GOLGA1: variants seen among roughly 807,000 people sequenced by gnomAD.
GOLGA1 encodes golgin subfamily A member 1.
Under a neutral mutation model 119.7 loss-of-function variants are expected in GOLGA1, and 63 were observed. The ratio of observed to expected loss-of-function variants is 0.53; its 90% confidence interval spans 0.43 to 0.65. GOLGA1 has a LOEUF of 0.65. Ranked by LOEUF, GOLGA1 falls within the 30% of genes least tolerant of loss-of-function variation. The pLI is 0.00. For synonymous variants in GOLGA1, 318 were observed against 333.4 expected (o/e 0.95, Z 0.50); for missense variants, 798 against 912.8 (o/e 0.87, Z 1.62).
In GOLGA1 at chr9:124,931,172, A is replaced by G; in HGVS notation, c.226+144T>C. On this transcript the variant is annotated intron_variant, in intron 4 of 22. Transcript: ENST00000373555. Reference sequence around the variant, plus strand: ...TACTATTTACTACACTAACAAAAGAAGAGGGTATACTTGCTCCTTTCTAAA... The same window carrying G: ...TACTATTTACTACACTAACAAAAGAGGAGGGTATACTTGCTCCTTTCTAAA... 5.5e-6 allele frequency: 3 copies of G among 549,334 alleles called. No homozygotes were observed. In the South Asian group the frequency reaches 6.9e-5, roughly 13 times the overall value. The allele number at this position is 549,334 out of a possible 1,614,324, so 34.0% of individuals were successfully genotyped here.
intron 10 of GOLGA1, among the ~76,000 whole-genome samples, chr9:124,920,615 C>T (rs1431005399): frequency 6.6e-6 from 1 of 152,002 alleles, no homozygotes; most frequent in Non-Finnish European, 1.5e-5. Flanking sequence ...ATTTTTCATG[C>T]TCAAGGTCCA....
intron 4 of GOLGA1, 54 bp from the exon 5 acceptor site, chr9:124,929,344 A>G: frequency 9.4e-7 from 1 of 1,066,342 alleles, no homozygotes; most frequent in South Asian, 1.3e-5. Context: ...TCAGGAAAGG[A>G]AGTTAATTAA....
intron 17 of GOLGA1, 55 bp downstream of exon 17, chr9:124,889,379 G>A: frequency 1.3e-6 from 2 of 1,592,440 alleles, no homozygotes; most frequent in Non-Finnish European, 1.7e-6. Flanking sequence ...CCGTCACAAG[G>A]CAGGATGCTG....
At chr9:124,914,495 G>A (rs1288966675) in intron 10 of GOLGA1, among the ~76,000 whole-genome samples, 5 of 151,476 alleles carry the variant, frequency 3.3e-5, no homozygotes, top group Admixed American at 3.3e-4. Flanking sequence ...GCGACACTCC[G>A]TCTCAAAGAA....
intron 1 of GOLGA1, among the ~76,000 whole-genome samples, chr9:124,940,482 T>G (rs1830985639): frequency 6.6e-6 from 1 of 152,218 alleles, no homozygotes; most frequent in African/African-American, 2.4e-5. Context: ...TATTTATTTC[T>G]CAGTTGATTA....
At chr9:124,925,316 C>T (rs1830652722) in intron 7 of GOLGA1, among the ~76,000 whole-genome samples, 1 of 149,384 alleles carries the variant, frequency 6.7e-6, no homozygotes, top group Middle Eastern at 3.4e-3. Flanking sequence ...CAACCCATAT[C>T]TCCATATTTA....
upstream of GOLGA1, among the ~76,000 whole-genome samples, chr9:124,942,180 T>G (rs2017506): frequency 0.66 from 100,570 of 152,040 alleles, 33,918 homozygotes; most frequent in African/African-American, 0.77. Flanking sequence ...TGAGGCAGGA[T>G]AATCGCTTGA....
intron 11 of GOLGA1, 51 bp from the exon 12 acceptor site, chr9:124,908,523 A>C: frequency 1.1e-6 from 1 of 938,042 alleles, no homozygotes. Flanking sequence ...CAGTTGAATA[A>C]ATATTTACAG....
Position 124,888,521 on chromosome 9 carries a change from G to T in GOLGA1, c.1762-125C>A. ...GGCGTTGTGCTCCAACAGGCAACTG[G>T]CCAGGAAGCAATTCCTGGAGAAGAT... On this transcript the variant is annotated intron_variant, in intron 18 of 22. Transcript: ENST00000373555. The surrounding 1 kb of genome is among the most constrained non-coding windows in gnomAD (Gnocchi z 4.4). 1 of 772,352 alleles carries T rather than the reference G, an allele frequency of 1.3e-6. No individual in the cohort carries two copies. Among genetic ancestry groups the T allele is most frequent in the Non-Finnish European group, 2.2e-6 (1 of 462,264 alleles). The allele number at this position is 772,352 out of a possible 1,614,324, so 47.8% of individuals were successfully genotyped here. A position where few individuals can be genotyped will look rare whatever the true frequency, so the allele number is the denominator to read the frequency against.
intron 11 of GOLGA1, among the ~76,000 whole-genome samples, chr9:124,909,975 C>T (rs2131446915): frequency 6.6e-6 from 1 of 152,090 alleles, no homozygotes; most frequent in East Asian, 1.9e-4. Flanking sequence ...CTCGCTCTGT[C>T]ACCAGGCAGG....
intron 10 of GOLGA1, among the ~76,000 whole-genome samples, chr9:124,917,536 A>T (rs1297644515): frequency 6.7e-6 from 1 of 148,812 alleles, no homozygotes; most frequent in African/African-American, 2.6e-5. Context: ...TTGTCTACCC[A>T]TTATTATCTT....
intron 15 of GOLGA1, among the ~76,000 whole-genome samples, chr9:124,894,380 TTGTG>T (rs35289660): frequency 0.019 from 2,858 of 147,564 alleles, 59 homozygotes; most frequent in African/African-American, 0.048. Context: ...ATTTAAAGTT[TTGTG>T]TGTGTGTGTG....
At position 124,879,231 on chromosome 9, in the gene GOLGA1, C is replaced by T. The variant is rs112032556; in HGVS notation, c.*1299G>A. ...GTTATTAATTTAGTTTTTTATTTAA[C>T]CAGTGAAACTTTCATCAAACAATAA... On this transcript the variant is annotated 3_prime_UTR_variant, in exon 23 of 23. Transcript: ENST00000373555. 60 of 152,280 alleles carry T rather than the reference C, an allele frequency of 3.9e-4. 1 individual carries two copies. Among genetic ancestry groups the T allele is most frequent in the African/African-American group, 1.4e-3 (57 of 41,556 alleles). The allele number at this position is 152,280 out of a possible 1,614,324, so 9.4% of individuals were successfully genotyped here. A position where few individuals can be genotyped will look rare whatever the true frequency, so the allele number is the denominator to read the frequency against.
chr9:124,913,950 G>C (rs565604225), intron 10 of GOLGA1, among the ~76,000 whole-genome samples: 4 of 152,326 alleles, frequency 2.6e-5, no homozygotes, highest in Non-Finnish European at 4.4e-5. Flanking sequence ...TGCAAGGCTA[G>C]AGGCTGGGTG....
intron 4 of GOLGA1, 82 bp from the exon 5 acceptor site, chr9:124,929,372 AATG>A: frequency 3.5e-6 from 3 of 853,356 alleles, no homozygotes; most frequent in East Asian, 4.9e-5. Context: ...AATGAATGGA[AATG>A]ATGATGATTT....
intron 11 of GOLGA1, among the ~76,000 whole-genome samples, chr9:124,910,561 T>C (rs948050976): frequency 2.6e-5 from 4 of 152,214 alleles, no homozygotes; most frequent in Non-Finnish European, 2.9e-5. Context: ...CTGAGTTTAA[T>C]AGTATAATAA....
rs1226190688 is a variant in GOLGA1, at chr9:124,923,986, C to T, written c.433-763G>A. 2.0e-5 allele frequency among the ~76,000 whole-genome samples: 3 copies of T among 152,048 alleles called. No individual in the cohort carries two copies. In the East Asian group the frequency reaches 5.8e-4, roughly 29 times the overall value. ...TTTTCATGCCTCAGCTTCCTGAGTA[C>T]CTGAGACTACAGGCATGCACCACCA... is the stretch of plus-strand genomic sequence containing the variant. On this transcript the variant is annotated intron_variant, in intron 7 of 22. Transcript: ENST00000373555.
intron 12 of GOLGA1, among the ~76,000 whole-genome samples, chr9:124,907,540 A>T (rs1386646287): frequency 6.6e-6 from 1 of 152,196 alleles, no homozygotes. Flanking sequence ...TAACAGAATG[A>T]CTCAGGACTG....
intron 12 of GOLGA1, 71 bp from the exon 13 acceptor site, chr9:124,900,618 G>T: frequency 1.4e-6 from 1 of 694,236 alleles, no homozygotes; most frequent in Non-Finnish European, 2.5e-6. Context: ...GCTTTAAAAT[G>T]CAAAGCGATT....
Sources: gnomAD v4.1 joint callset for allele counts (sites outside exome capture counted in the v4.1 genomes callset) on GRCh38, gnomAD v4.1.1 for gene constraint, Gnocchi (gnomAD v3.1) non-coding constraint, MANE v1.5 for transcripts, NCBI Gene and HGNC (gene_info 2026-07-23, HGNC 2026-07-21) for gene names.